PEAK1: variants seen among roughly 807,000 people sequenced by gnomAD.
PEAK1 encodes inactive tyrosine-protein kinase PEAK1.
In PEAK1, 54 loss-of-function variants were observed where a neutral mutation model predicts 124.7. The ratio of observed to expected loss-of-function variants is 0.43; its 90% CI spans 0.35 to 0.54. The LOEUF is 0.54. Ranked by LOEUF, PEAK1 falls within the 20% of genes least tolerant of loss-of-function variation. The pLI is 0.01. For missense variants in PEAK1, 2,046 were observed against 2,134.5 expected (o/e 0.96, Z 0.82); for synonymous variants, 719 against 760.0 (o/e 0.95, Z 0.89).
intron 6 of PEAK1, among the ~76,000 whole-genome samples, chr15:77,225,670 A>ATATT (rs1555448945): frequency 8.0e-6 from 1 of 124,482 alleles, no homozygotes; most frequent in African/African-American, 3.5e-5. Context: ...TATAATTTAT[A>ATATT]TATATATATA....
At position 77,255,494 on chromosome 15, in the gene PEAK1, A is replaced by G. The variant is rs2061084295; in HGVS notation, c.-274-2968T>C. 5.3e-6 allele frequency: 3 copies of G among 564,628 alleles called. No homozygotes were observed. The South Asian group carries it at 2.3e-4, about 43-fold the overall frequency. 35.0% of individuals were successfully genotyped at this position (564,628 alleles called of 1,614,324 possible). A position where few individuals can be genotyped will look rare whatever the true frequency, so the allele number is the denominator to read the frequency against. On this transcript the variant is annotated intron_variant, in intron 5 of 9. Coordinates refer to ENST00000682557, the MANE Select transcript of PEAK1 (RefSeq NM_001385026.1). ...CAATGTTACAACGTTTTGGGAAAACATCATGAAGACATGCAAACAAGAAAA... is the reference window on the plus strand; with the variant it reads ...CAATGTTACAACGTTTTGGGAAAACGTCATGAAGACATGCAAACAAGAAAA...
At chr15:77,250,524 C>A (rs1283304446) in intron 6 of PEAK1, among the ~76,000 whole-genome samples, 1 of 152,058 alleles carries the variant, frequency 6.6e-6, no homozygotes, top group African/African-American at 2.4e-5. Flanking sequence ...GCTCCACCTT[C>A]TGGGTTCACG....
chr15:77,339,648 A>C (rs1023892588), intron 2 of PEAK1, among the ~76,000 whole-genome samples: 4 of 152,222 alleles, frequency 2.6e-5, no homozygotes, highest in African/African-American at 9.6e-5. Flanking sequence ...TCCAAGAAAA[A>C]CAAACTGGTA....
At chr15:77,165,302 C>T (rs1375577368) in intron 7 of PEAK1, among the ~76,000 whole-genome samples, 1 of 151,134 alleles carries the variant, frequency 6.6e-6, no homozygotes, top group Admixed American at 6.6e-5. Context: ...TCAAGCGATT[C>T]GTCTGCCTCA....
At chr15:77,309,973 C>A in intron 2 of PEAK1, among the ~76,000 whole-genome samples, 1 of 152,166 alleles carries the variant, frequency 6.6e-6, no homozygotes, top group Non-Finnish European at 1.5e-5. Context: ...TGGTAGCTGT[C>A]TTCTCATACC....
intron 2 of PEAK1, chr15:77,337,740 A>C (rs779973985): frequency 3.7e-5 from 36 of 985,260 alleles, no homozygotes; most frequent in Non-Finnish European, 4.2e-5. Flanking sequence ...ACATAGTGTC[A>C]CTAGAAGAAG....
At chr15:77,278,135 T>G (rs967170128) in intron 5 of PEAK1, among the ~76,000 whole-genome samples, 1 of 152,118 alleles carries the variant, frequency 6.6e-6, no homozygotes, top group African/African-American at 2.4e-5. Flanking sequence ...CTCTGTATCT[T>G]TTTCTCAGTT....
chr15:77,263,867 T>C (rs1458150815), intron 5 of PEAK1, among the ~76,000 whole-genome samples: 1 of 152,144 alleles, frequency 6.6e-6, no homozygotes, highest in African/African-American at 2.4e-5. Flanking sequence ...AATAAAATAC[T>C]AGCAAACCGA....
intron 5 of PEAK1, among the ~76,000 whole-genome samples, chr15:77,267,148 A>ATAATCT (rs1393217754): frequency 6.6e-6 from 1 of 152,102 alleles, no homozygotes; most frequent in African/African-American, 2.4e-5. Flanking sequence ...AACTGGGAAC[A>ATAATCT]TAATCTTCCT....
rs532795400 is a variant in PEAK1, at chr15:77,321,840, G to A, written c.-602-35336C>T. ...TCTCAAATTAACTTTTGTATAAGGT[G>A]TAAGGAAGGGATCCAGTTTCAGCTT... On this transcript the variant is annotated intron_variant, in intron 2 of 9. Coordinates refer to ENST00000682557, the MANE Select transcript of PEAK1 (RefSeq NM_001385026.1). 1.6e-3 allele frequency among the ~76,000 whole-genome samples: 247 copies of A among 152,212 alleles called. 1 individual carries two copies. The highest frequency in any genetic ancestry group is 2.8e-3 in the Non-Finnish European group (188 of 68,010).
intron 6 of PEAK1, among the ~76,000 whole-genome samples, chr15:77,198,573 G>T (rs192255624): frequency 6.6e-6 from 1 of 152,206 alleles, no homozygotes; most frequent in South Asian, 2.1e-4. Flanking sequence ...CATCAATGCA[G>T]CAAGGCTAGC....
intron 6 of PEAK1, among the ~76,000 whole-genome samples, chr15:77,217,771 T>C (rs913565284): frequency 6.6e-6 from 1 of 152,212 alleles, no homozygotes; most frequent in African/African-American, 2.4e-5. Context: ...TTGAACTGGA[T>C]GGAGCTTTTG....
intron 5 of PEAK1, among the ~76,000 whole-genome samples, chr15:77,264,984 G>C (rs2061641208): frequency 6.6e-6 from 1 of 152,166 alleles, no homozygotes; most frequent in Non-Finnish European, 1.5e-5. Flanking sequence ...TGACAAACCT[G>C]AGAAAAACAA....
chr15:77,418,344 C>T (rs2073058247), intron 1 of PEAK1: 2 of 985,130 alleles, frequency 2.0e-6, no homozygotes, highest in African/African-American at 3.5e-5. Context: ...AATAATTTGA[C>T]ATTTTTTCCC....
At chr15:77,225,882 A>T (rs2059621796) in intron 6 of PEAK1, among the ~76,000 whole-genome samples, 1 of 146,704 alleles carries the variant, frequency 6.8e-6, no homozygotes, top group East Asian at 2.0e-4. Flanking sequence ...TTCATAAGAG[A>T]ATGCAGCTAG....
chr15:77,173,084 A>AAACAAC (rs141641030), intron 7 of PEAK1, among the ~76,000 whole-genome samples: 1 of 152,082 alleles, frequency 6.6e-6, no homozygotes, highest in African/African-American at 2.4e-5. Flanking sequence ...ACTCACTTAA[A>AAACAAC]AACAACAACA....
At chr15:77,141,806 T>G (rs1298100796) in intron 8 of PEAK1, among the ~76,000 whole-genome samples, 1 of 152,172 alleles carries the variant, frequency 6.6e-6, no homozygotes, top group Non-Finnish European at 1.5e-5. Context: ...ATAATGCTAT[T>G]GAATCCCTAC....
At chr15:77,186,198 T>G (rs1295903571) in intron 6 of PEAK1, among the ~76,000 whole-genome samples, 1 of 152,218 alleles carries the variant, frequency 6.6e-6, no homozygotes, top group Non-Finnish European at 1.5e-5. Context: ...CTTAGCACTA[T>G]GCAGCACTGA....
At chr15:77,150,957 A>G (rs1295742348) in intron 8 of PEAK1, among the ~76,000 whole-genome samples, 2 of 152,068 alleles carry the variant, frequency 1.3e-5, no homozygotes, top group Non-Finnish European at 2.9e-5. Flanking sequence ...ATTGTGAATA[A>G]TGCCGCAATA....
Sources: allele counts gnomAD v4.1 joint callset (sites outside exome capture counted in the v4.1 genomes callset), GRCh38; gene constraint gnomAD v4.1.1; transcripts MANE v1.5; gene names NCBI Gene and HGNC (gene_info 2026-07-23, HGNC 2026-07-21).